The following C12orf75 variants were observed in gnomAD, a reference collection of about 807,000 sequenced individuals.
C12orf75 encodes chromosome 12 open reading frame 75, also known as overexpressed in colon carcinoma 1 protein.
A neutral mutation model predicts 11.4 loss-of-function variants in C12orf75; 4 were observed. That is an observed-to-expected ratio of 0.35 (90% confidence interval 0.17 to 0.80). C12orf75 has a LOEUF of 0.80. C12orf75 is among the 30% of genes least tolerant of loss of function. The probability of loss-of-function intolerance (pLI) is 0.52; values close to 1 mark genes in which losing one functional copy is unlikely to be tolerated. For synonymous variants in C12orf75, 30 were observed against 30.0 expected (o/e 1.00, Z 0.00); for missense variants, 89 against 80.4 (o/e 1.11, Z -0.41).
intron 2 of C12orf75, among the ~76,000 whole-genome samples, chr12:105,355,168 C>CTTTTTTTTTT (rs200950023): frequency 9.4e-5 from 7 of 74,226 alleles, no homozygotes; most frequent in African/African-American, 2.3e-4. Flanking sequence ...ATTTCTTTTT[C>CTTTTTTTTTT]TTTTTCTTTT....
chr12:105,350,288 CATTT>C (rs1377365529), intron 2 of C12orf75, among the ~76,000 whole-genome samples: 2 of 152,216 alleles, frequency 1.3e-5, no homozygotes, highest in East Asian at 3.8e-4. Context: ...ATAGGAAGAG[CATTT>C]ATGTTTTAGC....
chr12:105,366,099 T>C (rs1353519564), intron 3 of C12orf75: 1 of 462,888 alleles, frequency 2.2e-6, no homozygotes, highest in South Asian at 3.5e-5. Flanking sequence ...GGGTGTGCTC[T>C]TCTCCCTAAC....
At chr12:105,338,446 T>G (rs1165873041) in intron 1 of C12orf75, among the ~76,000 whole-genome samples, 1 of 152,206 alleles carries the variant, frequency 6.6e-6, no homozygotes, top group African/African-American at 2.4e-5. Flanking sequence ...AGTGCTGGGA[T>G]TACAGGTGTG....
chr12:105,339,391 TA>T (rs1404392095), intron 1 of C12orf75, among the ~76,000 whole-genome samples: 7 of 122,676 alleles, frequency 5.7e-5, no homozygotes, highest in Non-Finnish European at 1.8e-5. Context: ...AAATCTTCAG[TA>T]TTTTTTTTTT....
rs766366085 is a variant in C12orf75 at position 105,370,665 on chromosome 12, C to T, written c.*65C>T. 6.6e-5 allele frequency: 30 copies of T among 457,468 alleles called. 1 individual carries two copies. Among genetic ancestry groups the T allele is most frequent in the South Asian group, 3.7e-4 (24 of 64,560 alleles). 28.3% of individuals were successfully genotyped at this position (457,468 alleles called of 1,614,324 possible). A position where few individuals can be genotyped will look rare whatever the true frequency, so the allele number is the denominator to read the frequency against. On this transcript the variant is annotated 3_prime_UTR_variant, in exon 6 of 6. Transcript: ENST00000443585. ...CATCAGTTTGGAAGGAATTTGGCTC[C>T]GTGGGACGTTGTAATGTGCACAGAC...
At chr12:105,357,807 T>TGTGTGTGTGTGA (rs1491090986) in intron 2 of C12orf75, among the ~76,000 whole-genome samples, 33 of 122,958 alleles carry the variant, frequency 2.7e-4, no homozygotes, top group Non-Finnish European at 3.9e-4. Flanking sequence ...TGTGTGTGTG[T>TGTGTGTGTGTGA]GAGAGAGAGA....
chr12:105,365,923 C>G (rs954740190), intron 3 of C12orf75, 81 bp downstream of exon 3: 1 of 874,668 alleles, frequency 1.1e-6, no homozygotes, highest in Middle Eastern at 2.1e-4. Flanking sequence ...AGCATATTCC[C>G]AATAACACAG....
At chr12:105,341,414 G>A (rs1318260331) in intron 1 of C12orf75, among the ~76,000 whole-genome samples, 1 of 152,132 alleles carries the variant, frequency 6.6e-6, no homozygotes, top group Non-Finnish European at 1.5e-5. Context: ...GGTTTAGTGG[G>A]TCGGTCCCAC....
chr12:105,330,968 G>A, intron 1 of C12orf75, 31 bp downstream of exon 1: 1 of 1,188,442 alleles, frequency 8.4e-7, no homozygotes, highest in Non-Finnish European at 1.1e-6. Context: ...GGGCCGGCGG[G>A]GGCGGGCGGG....
At chr12:105,354,674 T>A (rs1235466087) in intron 2 of C12orf75, among the ~76,000 whole-genome samples, 1 of 151,926 alleles carries the variant, frequency 6.6e-6, no homozygotes, top group Non-Finnish European at 1.5e-5. Flanking sequence ...TTGAGGGCCT[T>A]GCTGTGGTTA....
chr12:105,347,993 G>C (rs1892659542), intron 1 of C12orf75, among the ~76,000 whole-genome samples: 2 of 152,212 alleles, frequency 1.3e-5, no homozygotes, highest in Non-Finnish European at 1.5e-5. Flanking sequence ...AAAATGTGAG[G>C]TTGGATTAAT....
At chr12:105,345,498 A>T (rs191080593) in intron 1 of C12orf75, among the ~76,000 whole-genome samples, 6 of 149,528 alleles carry the variant, frequency 4.0e-5, no homozygotes, top group African/African-American at 1.2e-4. Context: ...AACAAATATA[A>T]AAAAAAAAGA....
At chr12:105,368,557 A>C (rs1357225017) in intron 5 of C12orf75, among the ~76,000 whole-genome samples, 1 of 152,186 alleles carries the variant, frequency 6.6e-6, no homozygotes. Context: ...CATCACCACC[A>C]TACTATTAAT....
intron 2 of C12orf75, among the ~76,000 whole-genome samples, chr12:105,361,962 G>T (rs1055880926): frequency 2.0e-5 from 3 of 152,200 alleles, no homozygotes; most frequent in African/African-American, 7.2e-5. Context: ...GACTTATGTG[G>T]CAATTTGACA....
In C12orf75 at chr12:105,370,804, A is replaced by G. The variant is rs1178893461; in HGVS notation, c.*204A>G. On this transcript the variant is annotated 3_prime_UTR_variant, in exon 6 of 6. Transcript: ENST00000443585. ...TGTGGTAATAGAAGGGAATTGGTTA[A>G]ACAGTACACTTGTTTATGGAACTTT... is the stretch of plus-strand genomic sequence containing the variant. The G allele has an allele frequency of 2.2e-6, 1 of 445,376 alleles. No individual in the cohort carries two copies. The highest frequency in any genetic ancestry group is 2.0e-5 in the African/African-American group (1 of 49,754). The allele number at this position is 445,376 out of a possible 1,614,324, so 27.6% of individuals were successfully genotyped here. A position where few individuals can be genotyped will look rare whatever the true frequency, so the allele number is the denominator to read the frequency against.
chr12:105,359,304 G>GT (rs2136149479), intron 2 of C12orf75, among the ~76,000 whole-genome samples: 1 of 152,196 alleles, frequency 6.6e-6, no homozygotes, highest in African/African-American at 2.4e-5. Flanking sequence ...GGTTCTCTTG[G>GT]TATAAGCCTT....
At chr12:105,331,240 T>A (rs919652123) in intron 1 of C12orf75, among the ~76,000 whole-genome samples, 1 of 151,712 alleles carries the variant, frequency 6.6e-6, no homozygotes, top group Non-Finnish European at 1.5e-5. Context: ...AGGGCTCTCC[T>A]GGGGGAGAGG....
At chr12:105,353,364 A>C (rs969139655) in intron 2 of C12orf75, 6 of 152,216 alleles carry the variant, frequency 3.9e-5, no homozygotes. Flanking sequence ...CAAAAGTCCT[A>C]GGGCTGGGCT....
At chr12:105,365,955 G>T in intron 3 of C12orf75, 113 bp downstream of exon 3, 1 of 774,400 alleles carries the variant, frequency 1.3e-6, no homozygotes, top group Non-Finnish European at 2.3e-6. Flanking sequence ...AAAACTGTTG[G>T]CACAGAGAAT....
Sources: gnomAD v4.1 joint callset for allele counts (sites outside exome capture counted in the v4.1 genomes callset) on GRCh38, gnomAD v4.1.1 for gene constraint, MANE v1.5 for transcripts, NCBI Gene and HGNC (gene_info 2026-07-23, HGNC 2026-07-21) for gene names.